TMEM132D: variants seen among roughly 807,000 people sequenced by gnomAD.
The protein encoded by TMEM132D is mature OL transmembrane protein.
In TMEM132D, 21 loss-of-function variants were observed where a neutral mutation model predicts 62.3. The ratio of observed to expected loss-of-function variants is 0.34; its 90% CI spans 0.24 to 0.49. The LOEUF is 0.49. TMEM132D is among the 20% of genes least tolerant of loss of function. TMEM132D has a pLI of 0.99. For synonymous variants in TMEM132D, 621 were observed against 575.6 expected, an observed-to-expected ratio of 1.08 and a Z score of -1.13; for missense variants, 1,346 against 1,402.8, an observed-to-expected ratio of 0.96 and a Z score of 0.65.
chr12:129,185,773 G>GTCTGTCTGTCTGTCTGTCTGTCTATCTA (rs796145548), intron 5 of TMEM132D, among the ~76,000 whole-genome samples: 299 of 136,008 alleles, frequency 2.2e-3, no homozygotes, highest in Non-Finnish European at 2.5e-3. Flanking sequence ...CTGTCTGTCT[G>GTCTGTCTGTCTGTCTGTCTGTCTATCTA]TCTATCTATC....
chr12:129,543,779 T>C (rs1876657197), intron 2 of TMEM132D, among the ~76,000 whole-genome samples: 1 of 152,152 alleles, frequency 6.6e-6, no homozygotes, highest in Non-Finnish European at 1.5e-5. Flanking sequence ...TAAAAACATA[T>C]CTTGGGAATG....
chr12:129,580,261 G>A (rs1877808533), intron 2 of TMEM132D, among the ~76,000 whole-genome samples: 1 of 152,178 alleles, frequency 6.6e-6, no homozygotes, highest in Admixed American at 6.5e-5. Context: ...CACAGCCTAA[G>A]TGAAATGTGA....
intron 5 of TMEM132D, among the ~76,000 whole-genome samples, chr12:129,119,116 T>C (rs1875984138): frequency 6.6e-6 from 1 of 152,214 alleles, no homozygotes; most frequent in African/African-American, 2.4e-5. Flanking sequence ...AGAATGCTGC[T>C]GAGACCACAG....
At chr12:129,311,015 G>A (rs1246786241) in intron 4 of TMEM132D, among the ~76,000 whole-genome samples, 1 of 96,040 alleles carries the variant, frequency 1.0e-5, no homozygotes, top group South Asian at 3.8e-4. Flanking sequence ...TGGCTAACAC[G>A]GTGAAACCCC....
intron 2 of TMEM132D, among the ~76,000 whole-genome samples, chr12:129,563,266 T>G (rs1208420271): frequency 5.9e-5 from 9 of 152,204 alleles, no homozygotes; most frequent in Non-Finnish European, 1.5e-5. Flanking sequence ...CATAAAACCT[T>G]CAAGATCTTG....
At chr12:129,812,548 T>A (rs1008984643) in intron 1 of TMEM132D, among the ~76,000 whole-genome samples, 1 of 151,844 alleles carries the variant, frequency 6.6e-6, no homozygotes, top group Admixed American at 6.6e-5. Flanking sequence ...AACTTTCCAA[T>A]CTGGCTCTGT....
chr12:129,391,254 G>C (rs1019777125), intron 3 of TMEM132D, among the ~76,000 whole-genome samples: 3 of 152,122 alleles, frequency 2.0e-5, no homozygotes, highest in African/African-American at 7.2e-5. Context: ...CACATTTATT[G>C]TGTGCTTGCA....
intron 5 of TMEM132D, among the ~76,000 whole-genome samples, chr12:129,124,458 C>G (rs1381710678): frequency 2.0e-5 from 3 of 152,234 alleles, no homozygotes; most frequent in South Asian, 2.1e-4. Context: ...CCTAAAATCT[C>G]TCTAGTTGCT....
At chr12:129,085,799 C>T (rs971002764) in intron 5 of TMEM132D, 3 of 152,250 alleles carry the variant, frequency 2.0e-5, no homozygotes, top group African/African-American at 7.2e-5. Context: ...AGGGCTCCTC[C>T]ATGCCAGCGC....
chr12:129,471,988 A>G (rs928730067), intron 3 of TMEM132D, among the ~76,000 whole-genome samples: 1 of 152,270 alleles, frequency 6.6e-6, no homozygotes, highest in East Asian at 1.9e-4. Flanking sequence ...AAGGCTTAAC[A>G]GAATCAACTG....
intron 2 of TMEM132D, among the ~76,000 whole-genome samples, chr12:129,551,157 A>G (rs1413599376): frequency 6.6e-6 from 1 of 152,252 alleles, no homozygotes; most frequent in Non-Finnish European, 1.5e-5. Flanking sequence ...AGCTCCTCCA[A>G]GACTTCCTGG....
intron 1 of TMEM132D, among the ~76,000 whole-genome samples, chr12:129,838,345 G>C (rs1206001088): frequency 6.6e-6 from 1 of 152,200 alleles, no homozygotes; most frequent in Non-Finnish European, 1.5e-5. Flanking sequence ...TGCATTTATG[G>C]TCTAGATGCA....
chr12:129,843,294 G>C (rs1188456263), intron 1 of TMEM132D, among the ~76,000 whole-genome samples: 1 of 151,984 alleles, frequency 6.6e-6, no homozygotes, highest in Non-Finnish European at 1.5e-5. Flanking sequence ...TTTTCAGAAA[G>C]CCTCAATTAG....
At chr12:129,503,079 GGTCATTTAAAA>G (rs1461738719) in intron 3 of TMEM132D, among the ~76,000 whole-genome samples, 1 of 152,138 alleles carries the variant, frequency 6.6e-6, no homozygotes, top group African/African-American at 2.4e-5. Context: ...AATGAGTGCT[GGTCATTTAAAA>G]GTCATAGATG....
intron 4 of TMEM132D, among the ~76,000 whole-genome samples, chr12:129,234,729 A>T (rs59054095): frequency 0.011 from 1,710 of 152,340 alleles, 33 homozygotes; most frequent in African/African-American, 0.039. Context: ...TATATATGTT[A>T]ATCTGATAGG....
At chr12:129,657,142 T>C (rs2137188326) in intron 2 of TMEM132D, among the ~76,000 whole-genome samples, 1 of 152,360 alleles carries the variant, frequency 6.6e-6, no homozygotes, top group South Asian at 2.1e-4. Context: ...TGGTAACTTC[T>C]AGTTCAGCTT....
chr12:129,484,045 C>CTGTA (rs1874508949), intron 3 of TMEM132D, among the ~76,000 whole-genome samples: 2 of 152,156 alleles, frequency 1.3e-5, no homozygotes, highest in African/African-American at 4.8e-5. Context: ...TTTCAGCTTA[C>CTGTA]TGTAACCTTC....
chr12:129,893,520 A>G (rs1035255456), intron 1 of TMEM132D, among the ~76,000 whole-genome samples: 1 of 151,914 alleles, frequency 6.6e-6, no homozygotes, highest in African/African-American at 2.4e-5. Flanking sequence ...TTCAAAAGAC[A>G]GACATCTCTG....
intron 2 of TMEM132D, among the ~76,000 whole-genome samples, chr12:129,535,885 T>C (rs1876374380): frequency 6.6e-6 from 1 of 151,866 alleles, no homozygotes; most frequent in Non-Finnish European, 1.5e-5. Flanking sequence ...TTTTGCTATA[T>C]AGAGTTCAAA....
Sources: gnomAD v4.1 joint callset for allele counts (sites outside exome capture counted in the v4.1 genomes callset) on GRCh38, gnomAD v4.1.1 for gene constraint, MANE v1.5 for transcripts, NCBI Gene and HGNC (gene_info 2026-07-23, HGNC 2026-07-21) for gene names.